GRIA2: variants seen among roughly 807,000 people sequenced by gnomAD.
The protein encoded by GRIA2 is glutamate ionotropic receptor AMPA type subunit 2.
In GRIA2, 14 loss-of-function variants were observed where a neutral mutation model predicts 97.3. The ratio of observed to expected loss-of-function variants is 0.14; its 90% CI spans 0.10 to 0.23. The LOEUF (loss-of-function observed/expected upper bound fraction) is 0.23, where lower values mean the gene tolerates loss of function less well. Ranked by LOEUF, GRIA2 falls within the 10% of genes least tolerant of loss-of-function variation. GRIA2 has a pLI of 1.00. For missense variants in GRIA2, 558 were observed against 1,069.8 expected (o/e 0.52, Z 6.67); for synonymous variants, 412 against 387.8 (o/e 1.06, Z -0.73).
chr4:157,360,456 A>C (rs751853832), intron 13 of GRIA2, among the ~76,000 whole-genome samples: 48 of 151,696 alleles, frequency 3.2e-4, no homozygotes, highest in Middle Eastern at 3.4e-3. Flanking sequence ...TTTTTTCCAC[A>C]TTTCTAACTA....
chr4:157,317,190 T>G (rs970764487), intron 4 of GRIA2, among the ~76,000 whole-genome samples: 6 of 152,214 alleles, frequency 3.9e-5, no homozygotes, highest in Non-Finnish European at 8.8e-5. Context: ...TTGAAATGTA[T>G]GTAGTACTAT....
intron 6 of GRIA2, among the ~76,000 whole-genome samples, chr4:157,330,781 G>A (rs561659426): frequency 2.0e-5 from 3 of 152,020 alleles, no homozygotes; most frequent in South Asian, 2.1e-4. Flanking sequence ...TGGCTATGAC[G>A]TGATTGTGAT....
intron 12 of GRIA2, among the ~76,000 whole-genome samples, chr4:157,347,227 T>C (rs1735801500): frequency 6.6e-6 from 1 of 152,176 alleles, no homozygotes. Flanking sequence ...CCTTGTTGAA[T>C]TGTAATTATT....
chr4:157,306,774 T>G (rs1430946056), intron 3 of GRIA2, among the ~76,000 whole-genome samples: 4 of 152,198 alleles, frequency 2.6e-5, no homozygotes, highest in Non-Finnish European at 5.9e-5. Context: ...TCATGCTACA[T>G]TTTAACGAGT....
intron 2 of GRIA2, among the ~76,000 whole-genome samples, chr4:157,293,685 A>G (rs746581085): frequency 7.9e-5 from 12 of 152,154 alleles, no homozygotes; most frequent in Non-Finnish European, 1.5e-4. Flanking sequence ...GAGTATTCAA[A>G]TAAATGTAAG....
chr4:157,299,273 G>A (rs533576239), intron 2 of GRIA2, among the ~76,000 whole-genome samples: 1 of 152,138 alleles, frequency 6.6e-6, no homozygotes, highest in East Asian at 1.9e-4. Flanking sequence ...GAAATCAGGG[G>A]CAAACTATGC....
chr4:157,337,697 TAAC>T (rs1450541013), intron 11 of GRIA2, among the ~76,000 whole-genome samples: 2 of 151,860 alleles, frequency 1.3e-5, no homozygotes, highest in Non-Finnish European at 2.9e-5. Flanking sequence ...CTTTTGAGAA[TAAC>T]AAGTGATTAA....
chr4:157,316,609 GAGA>G (rs1226556968), intron 4 of GRIA2, among the ~76,000 whole-genome samples: 2 of 152,078 alleles, frequency 1.3e-5, no homozygotes, highest in Non-Finnish European at 2.9e-5. Context: ...CTAAGGTGAT[GAGA>G]AGAAGCTTCC....
intron 2 of GRIA2, among the ~76,000 whole-genome samples, chr4:157,245,655 G>A (rs554011178): frequency 2.0e-5 from 3 of 152,114 alleles, no homozygotes; most frequent in African/African-American, 7.2e-5. Context: ...AAGTAGTAAA[G>A]GCAATAAATT....
At chr4:157,261,480 A>G (rs569111834) in intron 2 of GRIA2, among the ~76,000 whole-genome samples, 29 of 152,232 alleles carry the variant, frequency 1.9e-4, no homozygotes, top group Non-Finnish European at 4.1e-4. Context: ...TTATCCTATC[A>G]GCAAACAACA....
At chr4:157,299,559 T>C (rs557058960) in intron 2 of GRIA2, among the ~76,000 whole-genome samples, 3 of 152,262 alleles carry the variant, frequency 2.0e-5, no homozygotes, top group East Asian at 3.9e-4. Flanking sequence ...TTGTTCAGCA[T>C]ACAGACTGTA....
intron 5 of GRIA2, among the ~76,000 whole-genome samples, chr4:157,319,444 G>A (rs1734464592): frequency 6.6e-6 from 1 of 152,204 alleles, no homozygotes; most frequent in African/African-American, 2.4e-5. Context: ...TCATGCTGCT[G>A]TCATGCTTCT....
chr4:157,238,647 C>T (rs1198084488), intron 2 of GRIA2, among the ~76,000 whole-genome samples: 1 of 152,024 alleles, frequency 6.6e-6, no homozygotes, highest in African/African-American at 2.4e-5. Context: ...CTTCTTTTAT[C>T]CATTACAAAA....
intron 2 of GRIA2, among the ~76,000 whole-genome samples, chr4:157,281,853 C>G (rs896157950): frequency 6.6e-6 from 1 of 152,076 alleles, no homozygotes; most frequent in Non-Finnish European, 1.5e-5. Context: ...TATGTATCCT[C>G]TAAATTCTAC....
intron 2 of GRIA2, among the ~76,000 whole-genome samples, chr4:157,228,417 T>C (rs1294667565): frequency 1.3e-5 from 2 of 152,190 alleles, no homozygotes; most frequent in African/African-American, 4.8e-5. Flanking sequence ...TATATTGATG[T>C]ATGTTAAAAT....
intron 3 of GRIA2, 86 bp downstream of exon 3, chr4:157,303,877 G>C (rs965019805): frequency 7.2e-7 from 1 of 1,388,538 alleles, no homozygotes; most frequent in South Asian, 1.2e-5. Context: ...AAGCTACAAA[G>C]GTGTGATAAA....
In GRIA2 at chr4:157,273,386, G is replaced by A. The variant is rs114689210; in HGVS notation, c.230-30166G>A. 2.8e-3 allele frequency among the ~76,000 whole-genome samples: 423 copies of A among 152,064 alleles called. 3 individuals are homozygous for A. Among genetic ancestry groups the A allele is most frequent in the African/African-American group, 9.8e-3 (409 of 41,536 alleles). On this transcript the variant is annotated intron_variant, in intron 2 of 15. Coordinates refer to ENST00000264426, the MANE Select transcript of GRIA2 (RefSeq NM_001083619.3). The stretch of plus-strand genomic sequence containing the variant: ...AAAACAGCTGAAACAGACAGAACAA[G>A]CATCAGAACCAGAGTCAGATATGGA...
chr4:157,328,630 C>G (rs980017438), intron 6 of GRIA2, among the ~76,000 whole-genome samples: 2 of 151,868 alleles, frequency 1.3e-5, no homozygotes, highest in African/African-American at 4.8e-5. Context: ...CCAGACAATG[C>G]CTTGATTTCA....
At chr4:157,350,922 T>G (rs1162798825) in intron 12 of GRIA2, among the ~76,000 whole-genome samples, 1 of 150,996 alleles carries the variant, frequency 6.6e-6, no homozygotes, top group Non-Finnish European at 1.5e-5. Context: ...AATTTTACAT[T>G]AGTTTTTTCT....
Sources: gnomAD v4.1 joint callset for allele counts (sites outside exome capture counted in the v4.1 genomes callset) on GRCh38, gnomAD v4.1.1 for gene constraint, MANE v1.5 for transcripts, NCBI Gene and HGNC (gene_info 2026-07-23, HGNC 2026-07-21) for gene names.